NMI: variants seen among roughly 807,000 people sequenced by gnomAD.
The protein encoded by NMI is N-myc-interactor.
NMI carries 39 observed loss-of-function variants against 34.3 expected under a neutral mutation model. That is an observed-to-expected ratio of 1.14 (90% CI 0.88 to 1.49). NMI has a LOEUF of 1.49. Among genes scored for constraint, NMI ranks in the 40% most tolerant of loss-of-function variants. NMI has a pLI of 0.00. For synonymous variants in NMI, 113 were observed against 120.3 expected (o/e 0.94, Z 0.40); for missense variants, 339 against 358.1 (o/e 0.95, Z 0.43).
chr2:151,284,281 T>C (rs6718415), intron 1 of NMI, among the ~76,000 whole-genome samples: 90,414 of 151,928 alleles, frequency 0.6, 27,162 homozygotes, highest in Admixed American at 0.66. Context: ...TTTGTAATTC[T>C]ATGTATTTTA....
intron 1 of NMI, among the ~76,000 whole-genome samples, chr2:151,286,631 C>T (rs916407177): frequency 2.0e-5 from 3 of 152,142 alleles, no homozygotes; most frequent in East Asian, 1.9e-4. Context: ...ACCTCTAGTC[C>T]CTTCCCTGAG....
chr2:151,278,655 T>G (rs1573744634), intron 4 of NMI, 173 bp downstream of exon 4: 1 of 566,262 alleles, frequency 1.8e-6, no homozygotes, highest in Non-Finnish European at 3.1e-6. Context: ...TCAAGGCACT[T>G]GTCTCAGAGT....
At chr2:151,271,546 C>A (rs1280332463) in intron 7 of NMI, 80 bp downstream of exon 7, 6 of 775,142 alleles carry the variant, frequency 7.7e-6, no homozygotes, top group Admixed American at 4.3e-5. Flanking sequence ...GCATAAGTAA[C>A]AGACTCACAA....
intron 4 of NMI, 108 bp downstream of exon 4, chr2:151,278,720 T>G (rs1025526431): frequency 9.3e-6 from 8 of 860,614 alleles, no homozygotes; most frequent in African/African-American, 5.1e-5. Context: ...AACGTCACTA[T>G]GAGGATAAGA....
intron 1 of NMI, among the ~76,000 whole-genome samples, chr2:151,286,359 A>C (rs1683495947): frequency 6.6e-6 from 1 of 152,226 alleles, no homozygotes; most frequent in Non-Finnish European, 1.5e-5. Flanking sequence ...GGAAAGACTA[A>C]GAAATGTCCA....
At chr2:151,281,737 T>A (rs1200488933) in intron 3 of NMI, among the ~76,000 whole-genome samples, 1 of 152,226 alleles carries the variant, frequency 6.6e-6, no homozygotes, top group African/African-American at 2.4e-5. Context: ...CTCATTGCTG[T>A]GTAGTTTTCT....
chr2:151,279,275 G>A (rs1683343949), intron 3 of NMI, among the ~76,000 whole-genome samples: 1 of 152,098 alleles, frequency 6.6e-6, no homozygotes, highest in Admixed American at 6.6e-5. Flanking sequence ...ATTGTATGGT[G>A]TTCAGTTCTA....
chr2:151,270,902 A>G (rs771835138), intron 7 of NMI, 27 bp from the exon 8 acceptor site: 16 of 1,528,122 alleles, frequency 1.0e-5, no homozygotes, highest in Non-Finnish European at 1.4e-5. Flanking sequence ...GATAAATAGA[A>G]AGATTTCTAA....
At chr2:151,287,702 T>C (rs1051053663) in intron 1 of NMI, among the ~76,000 whole-genome samples, 14 of 152,164 alleles carry the variant, frequency 9.2e-5, no homozygotes, top group Admixed American at 7.9e-4. Context: ...ATTACGTGTG[T>C]ACCTATGTCA....
rs896597722 is a variant in NMI, at chr2:151,270,573, A to G, written c.*120T>C. On this transcript the variant is annotated 3_prime_UTR_variant, in exon 8 of 8. Transcript: ENST00000243346. ...AAACATGGAAATAAGTTTTGTATCT[A>G]AACATAAATGGATGGTAAAAATTAA... 5 of 766,900 alleles carry G rather than the reference A, an allele frequency of 6.5e-6. No homozygotes were observed. The highest frequency in any genetic ancestry group is 1.0e-5 in the Non-Finnish European group (5 of 485,732). The allele number at this position is 766,900 out of a possible 1,614,324, so 47.5% of individuals were successfully genotyped here. A position where few individuals can be genotyped will look rare whatever the true frequency, so the allele number is the denominator to read the frequency against.
Position 151,278,887 on chromosome 2 carries a change from G to GAGCTCA in NMI, c.275_280dup (p.Ser93_Ser94insLeuSer), listed in dbSNP as rs769723497. 3.1e-6 allele frequency: 5 copies of GAGCTCA among 1,613,292 alleles called. No individual in the cohort carries two copies. Among genetic ancestry groups the GAGCTCA allele is most frequent in the Non-Finnish European group, 4.2e-6 (5 of 1,179,542 alleles). On this transcript the variant is annotated inframe_insertion, in exon 4 of 8. Coordinates refer to ENST00000243346, the MANE Select transcript of NMI (RefSeq NM_004688.3). ...TTTTTGTATCTCATAAGGAACTTTC[G>GAGCTCA]AGCTCACTTGAAACGAACAGGAGAT...
chr2:151,273,386 G>A (rs937719915), intron 6 of NMI, among the ~76,000 whole-genome samples: 3 of 152,194 alleles, frequency 2.0e-5, no homozygotes, highest in Admixed American at 2.0e-4. Flanking sequence ...ATAACCTGCA[G>A]AAGTATTTTT....
At chr2:151,289,252 CAAAAAAAAA>C (rs5835358) in intron 1 of NMI, among the ~76,000 whole-genome samples, 21 of 74,272 alleles carry the variant, frequency 2.8e-4, no homozygotes, top group African/African-American at 9.3e-4. Flanking sequence ...GACTCCGTCT[CAAAAAAAAA>C]AAAAAAAAAA....
intron 4 of NMI, 90 bp downstream of exon 4, chr2:151,278,738 T>C (rs1335703162): frequency 1.0e-6 from 1 of 966,666 alleles, no homozygotes; most frequent in Non-Finnish European, 1.6e-6. Flanking sequence ...AGAAATAATA[T>C]AAGTGAAGTA....
intron 1 of NMI, among the ~76,000 whole-genome samples, chr2:151,288,153 T>C (rs6734376): frequency 0.26 from 39,710 of 152,162 alleles, 9,261 homozygotes; most frequent in African/African-American, 0.63. Context: ...TGTCCACATC[T>C]TAATCCCAAG....
At chr2:151,273,815 C>G (rs757175713) in intron 6 of NMI, among the ~76,000 whole-genome samples, 11 of 152,186 alleles carry the variant, frequency 7.2e-5, no homozygotes, top group African/African-American at 2.7e-4. Flanking sequence ...AGCCACTGCG[C>G]CTGGCCAGAT....
chr2:151,281,866 T>C (rs555582148), intron 3 of NMI, 82 bp downstream of exon 3: 1 of 745,812 alleles, frequency 1.3e-6, no homozygotes, highest in East Asian at 2.5e-5. Context: ...GTTTTAAAAA[T>C]GAATTTTGTG....
rs937689900 is a variant in NMI, at chr2:151,270,576, C to T, written c.*117G>A. The T allele has an allele frequency of 2.6e-6, 2 of 780,754 alleles. No homozygotes were observed. The highest frequency in any genetic ancestry group is 3.5e-5 in the African/African-American group (2 of 56,768). The allele number at this position is 780,754 out of a possible 1,614,324, so 48.4% of individuals were successfully genotyped here. On this transcript the variant is annotated 3_prime_UTR_variant, in exon 8 of 8. Transcript: ENST00000243346. ...CATGGAAATAAGTTTTGTATCTAAA[C>T]ATAAATGGATGGTAAAAATTAAAGT...
chr2:151,279,993 T>A (rs1317403551), intron 3 of NMI, among the ~76,000 whole-genome samples: 2 of 151,894 alleles, frequency 1.3e-5, no homozygotes, highest in Non-Finnish European at 2.9e-5. Context: ...GTCAGGAGTT[T>A]GAGACCAGCC....
Sources: gnomAD v4.1 joint callset for allele counts (sites outside exome capture counted in the v4.1 genomes callset) on GRCh38, gnomAD v4.1.1 for gene constraint, MANE v1.5 for transcripts, NCBI Gene and HGNC (gene_info 2026-07-23, HGNC 2026-07-21) for gene names.